Variants in PTPRN2 observed in about 807,000 individuals in gnomAD.
The protein encoded by PTPRN2 is receptor-type tyrosine-protein phosphatase N2.
A neutral mutation model predicts 118.8 loss-of-function variants in PTPRN2; 74 were observed. That is an observed-to-expected ratio of 0.62 (90% CI 0.52 to 0.76). PTPRN2 has a LOEUF of 0.76. PTPRN2 is among the 30% of genes least tolerant of loss of function. PTPRN2 has a pLI of 0.00. For synonymous variants in PTPRN2, 641 were observed against 608.0 expected (o/e 1.05, Z -0.80); for missense variants, 1,481 against 1,394.4 (o/e 1.06, Z -0.99).
At chr7:158,386,998 G>T (rs113849386) in intron 2 of PTPRN2, among the ~76,000 whole-genome samples, 2 of 152,166 alleles carry the variant, frequency 1.3e-5, no homozygotes, top group African/African-American at 2.4e-5. Context: ...AGGATGGGGG[G>T]ACTGTGGCTT....
chr7:158,268,286 C>T (rs553170609), intron 3 of PTPRN2, among the ~76,000 whole-genome samples: 17 of 147,996 alleles, frequency 1.1e-4, no homozygotes, highest in East Asian at 6.2e-4. Context: ...CCAGCCCAGA[C>T]GCGTGCACAC....
chr7:158,004,261 A>G (rs1805491841), intron 11 of PTPRN2, among the ~76,000 whole-genome samples: 1 of 152,186 alleles, frequency 6.6e-6, no homozygotes, highest in East Asian at 1.9e-4. Flanking sequence ...AGGATGAGAG[A>G]GGGAACCGCC....
chr7:158,314,423 G>A (rs973198804), intron 3 of PTPRN2, among the ~76,000 whole-genome samples: 17 of 152,180 alleles, frequency 1.1e-4, no homozygotes, highest in Middle Eastern at 3.2e-3. Context: ...AATATGGCTC[G>A]CTCCATGTTT....
In PTPRN2 at chr7:157,944,772, G is replaced by A. The variant is rs891617598; in HGVS notation, c.1724-46035C>T. Among the ~76,000 whole-genome samples the A allele has an allele frequency of 6.6e-6, 1 of 152,178 alleles. No individual in the cohort carries two copies. The highest frequency in any genetic ancestry group is 2.4e-5 in the African/African-American group (1 of 41,448). The stretch of plus-strand genomic sequence containing the variant: ...GCCCCTCTCTTCTCTAAGCCAAGGG[G>A]CTGTTGGGACAGGCAGCCGCACCTG... On this transcript the variant is annotated intron_variant, in intron 11 of 22. Coordinates refer to ENST00000389418, the MANE Select transcript of PTPRN2 (RefSeq NM_002847.5). The surrounding 1 kb of genome is among the most constrained non-coding windows in gnomAD (Gnocchi z 4.3).
intron 11 of PTPRN2, among the ~76,000 whole-genome samples, chr7:157,947,152 A>G (rs1233156718): frequency 6.6e-6 from 1 of 152,192 alleles, no homozygotes; most frequent in East Asian, 1.9e-4. Context: ...GCAGGATGCG[A>G]AAAGGTCTGT....
chr7:158,412,918 C>T (rs535021690), intron 2 of PTPRN2, among the ~76,000 whole-genome samples: 128 of 147,164 alleles, frequency 8.7e-4, no homozygotes, highest in African/African-American at 3.2e-3. Context: ...TCCTCAACAC[C>T]AGGGCCCATC....
chr7:158,587,814 A>G lies in PTPRN2; in HGVS notation c.-145T>C, dbSNP rs1488686551. The stretch of plus-strand genomic sequence containing the variant: ...TTGCGGCGACGCCGGGCCGAGCTTC[A>G]GCACCGGACAGCGCCCGGCCCCGCC... On this transcript the variant is annotated 5_prime_UTR_variant, in exon 1 of 23. Transcript: ENST00000389418. 6.6e-6 allele frequency: 5 copies of G among 760,270 alleles called. No individual in the cohort carries two copies. The highest frequency in any genetic ancestry group is 6.4e-6 in the Non-Finnish European group (4 of 627,188). 47.1% of individuals were successfully genotyped at this position (760,270 alleles called of 1,614,324 possible).
At chr7:158,218,028 A>G (rs1828076482) in intron 3 of PTPRN2, among the ~76,000 whole-genome samples, 1 of 152,222 alleles carries the variant, frequency 6.6e-6, no homozygotes, top group South Asian at 2.1e-4. Context: ...AGTTGAGGAT[A>G]CAGTCCATGA....
At chr7:158,135,231 G>A (rs1367698792) in intron 8 of PTPRN2, among the ~76,000 whole-genome samples, 1 of 152,150 alleles carries the variant, frequency 6.6e-6, no homozygotes, top group Non-Finnish European at 1.5e-5. Context: ...GAAAATTAAG[G>A]AAGGACTATA....
intron 3 of PTPRN2, among the ~76,000 whole-genome samples, chr7:158,205,561 T>G (rs1420781226): frequency 6.6e-6 from 1 of 152,148 alleles, no homozygotes; most frequent in Non-Finnish European, 1.5e-5. Context: ...TCATCCTCCC[T>G]GTAGGAACAC....
At chr7:158,474,672 G>A (rs1011207642) in intron 2 of PTPRN2, among the ~76,000 whole-genome samples, 15 of 151,636 alleles carry the variant, frequency 9.9e-5, no homozygotes, top group South Asian at 2.1e-4. Context: ...GCGGGTGCCC[G>A]TCTGAGAGGG....
Position 158,133,693 on chromosome 7 carries a change from T to C in PTPRN2, c.1540A>G (p.Ile514Val). 2 of 1,594,748 alleles carry C rather than the reference T, an allele frequency of 1.3e-6. No homozygotes were observed. The highest frequency in any genetic ancestry group is 1.7e-6 in the Non-Finnish European group (2 of 1,170,986). The change falls in exon 9 of 23, where the codon ATC becomes GTC. Residue 514 changes from isoleucine to valine, a missense_variant. By Grantham distance (29) the Ile-to-Val change is conservative (BLOSUM62 3). Coordinates refer to ENST00000389418, the MANE Select transcript of PTPRN2 (RefSeq NM_002847.5). ...GCTACTCACTCTCTGTCTGTCACGA[T>C]GTAGCCCCGCGCCTCTTCCTCGGAA... Reference protein sequence around the residue: ...QPSEEEARGYIVTDRDPLRPE... With the variant: ...QPSEEEARGYVVTDRDPLRPE...
At chr7:157,623,806 C>T (rs575473479) in intron 14 of PTPRN2, among the ~76,000 whole-genome samples, 6 of 152,306 alleles carry the variant, frequency 3.9e-5, no homozygotes, top group African/African-American at 9.6e-5. Context: ...TCTCTGCACA[C>T]GCCACTCCAG....
intron 3 of PTPRN2, among the ~76,000 whole-genome samples, chr7:158,291,453 C>G (rs1176351895): frequency 6.6e-6 from 1 of 152,090 alleles, no homozygotes. Context: ...GCTCTAGGAG[C>G]TTCCCCTCCC....
rs1035327104 is a variant in PTPRN2 at position 158,015,305 on chromosome 7, C to G, written c.1723+65993G>C. On this transcript the variant is annotated intron_variant, in intron 11 of 22. Coordinates refer to ENST00000389418, the MANE Select transcript of PTPRN2 (RefSeq NM_002847.5). This position sits in a 1 kb window ranked among gnomAD's most constrained non-coding sequence, Gnocchi z 4.2. ...ATTATACCTTTAGTTCCCTCTTCCCCACTTGTTCTCTGATTGTTCATTTTG... is the reference window on the plus strand; with the variant it reads ...ATTATACCTTTAGTTCCCTCTTCCCGACTTGTTCTCTGATTGTTCATTTTG... Among the ~76,000 whole-genome samples, 1 of 152,326 alleles carries G rather than the reference C, an allele frequency of 6.6e-6. No individual in the cohort carries two copies. Among genetic ancestry groups the G allele is most frequent in the Middle Eastern group, 3.4e-3 (1 of 294 alleles).
chr7:157,580,765 C>G (rs1585058753), intron 17 of PTPRN2, among the ~76,000 whole-genome samples: 2 of 125,166 alleles, frequency 1.6e-5, no homozygotes, highest in Admixed American at 7.9e-5. Flanking sequence ...CCTGCACACC[C>G]CAGCACCTGC....
chr7:158,083,522 A>T (rs1813005734), intron 10 of PTPRN2, among the ~76,000 whole-genome samples: 1 of 152,176 alleles, frequency 6.6e-6, no homozygotes, highest in South Asian at 2.1e-4. Flanking sequence ...AAAGGCTGTG[A>T]GGAGGTTCTT....
chr7:157,716,654 C>T (rs1474580086), intron 12 of PTPRN2, among the ~76,000 whole-genome samples: 1 of 73,178 alleles, frequency 1.4e-5, no homozygotes, highest in Non-Finnish European at 2.6e-5. Context: ...TCTGAGGGAA[C>T]ACTGCCTGGC....
chr7:158,321,677 T>C (rs1357202597), intron 2 of PTPRN2, among the ~76,000 whole-genome samples: 1 of 152,172 alleles, frequency 6.6e-6, no homozygotes, highest in Admixed American at 6.5e-5. Flanking sequence ...TGAGTTCAAA[T>C]TGGGGGCTGT....
Sources: gnomAD v4.1 joint callset for allele counts (sites outside exome capture counted in the v4.1 genomes callset) on GRCh38, gnomAD v4.1.1 for gene constraint, Gnocchi (gnomAD v3.1) non-coding constraint, MANE v1.5 for transcripts, NCBI Gene and HGNC (gene_info 2026-07-23, HGNC 2026-07-21) for gene names.